IBTK: variants seen among roughly 807,000 people sequenced by gnomAD.
IBTK encodes the protein BTK-binding protein.
Under a neutral mutation model 154.9 loss-of-function variants are expected in IBTK, and 83 were observed. That is an observed-to-expected ratio of 0.54 (90% confidence interval 0.45 to 0.64). The LOEUF is 0.64. Among genes scored for constraint, IBTK ranks in the 30% least tolerant of loss-of-function variants. The pLI, the probability that IBTK is intolerant of heterozygous loss-of-function variation, is 0.00. For synonymous variants in IBTK, 515 were observed against 536.1 expected (o/e 0.96, Z 0.54); for missense variants, 1,332 against 1,584.6 (o/e 0.84, Z 2.71).
chr6:82,214,224 T>C lies in IBTK; in HGVS notation c.2204+3A>G. 1 of 1,603,944 alleles carries C rather than the reference T, an allele frequency of 6.2e-7. No homozygotes were observed. Among genetic ancestry groups the C allele is most frequent in the Non-Finnish European group, 8.5e-7 (1 of 1,176,466 alleles). On this transcript the variant is annotated splice_donor_region_variant and intron_variant, in intron 12 of 28. Transcript: ENST00000306270. ...AGGAACAGATATAAAAGAGAAATCA[T>C]ACCTACTACTCAAATTACTGAAGTC...
At chr6:82,203,883 C>G (rs1381699141) in intron 17 of IBTK, among the ~76,000 whole-genome samples, 2 of 152,110 alleles carry the variant, frequency 1.3e-5, no homozygotes, top group African/African-American at 4.8e-5. Flanking sequence ...AAGGAGTAGA[C>G]AGTCTACAGT....
chr6:82,194,380 T>C (rs1044210973), intron 23 of IBTK, 99 bp downstream of exon 23: 8 of 860,350 alleles, frequency 9.3e-6, no homozygotes, highest in Non-Finnish European at 1.3e-5. Flanking sequence ...GAAATTTATA[T>C]TAATATTTCT....
At chr6:82,189,072 G>C (rs971462333) in intron 25 of IBTK, 2 of 436,270 alleles carry the variant, frequency 4.6e-6, no homozygotes, top group Non-Finnish European at 9.1e-6. Context: ...GAAGCCTAGG[G>C]GGACCAATAT....
chr6:82,172,617 T>C (rs1408311659), intron 27 of IBTK, 105 bp from the exon 28 acceptor site: 2 of 940,336 alleles, frequency 2.1e-6, no homozygotes, highest in East Asian at 5.5e-5. Context: ...TCCAGTGACC[T>C]ACAATGAACG....
At chr6:82,214,041 C>T (rs1268256651) in intron 12 of IBTK, among the ~76,000 whole-genome samples, 186 bp downstream of exon 12, 3 of 151,932 alleles carry the variant, frequency 2.0e-5, no homozygotes, top group Admixed American at 6.6e-5. Context: ...CTGCAAGCTC[C>T]GCCTCCCGGG....
intron 25 of IBTK, among the ~76,000 whole-genome samples, chr6:82,187,202 C>A (rs1198310752): frequency 6.6e-6 from 1 of 152,110 alleles, no homozygotes; most frequent in Admixed American, 6.5e-5. Flanking sequence ...AGGCATGAGC[C>A]ATCATGCCCA....
chr6:82,192,119 C>T (rs186050073), intron 23 of IBTK, among the ~76,000 whole-genome samples: 1 of 151,916 alleles, frequency 6.6e-6, no homozygotes, highest in Non-Finnish European at 1.5e-5. Context: ...ATACAAATAA[C>T]AACTAATATG....
chr6:82,185,075 C>T (rs557964916), intron 25 of IBTK, among the ~76,000 whole-genome samples: 4 of 148,950 alleles, frequency 2.7e-5, no homozygotes, highest in Admixed American at 1.4e-4. Context: ...CCCAGATACT[C>T]GGGAGGCTGA....
chr6:82,222,475 A>C (rs1169266329), intron 8 of IBTK, among the ~76,000 whole-genome samples: 1 of 152,220 alleles, frequency 6.6e-6, no homozygotes, highest in African/African-American at 2.4e-5. Flanking sequence ...TAATGAATTT[A>C]TCACAGTAAA....
intron 1 of IBTK, among the ~76,000 whole-genome samples, chr6:82,244,192 C>T (rs1318182377): frequency 2.6e-5 from 4 of 152,052 alleles, no homozygotes; most frequent in African/African-American, 4.8e-5. Context: ...AATATGCATT[C>T]GACAAATAAT....
At chr6:82,237,185 C>T (rs537628298) in intron 2 of IBTK, among the ~76,000 whole-genome samples, 15 of 152,012 alleles carry the variant, frequency 9.9e-5, no homozygotes, top group Admixed American at 3.9e-4. Context: ...GGCAGGAAAC[C>T]CAAACCCAGG....
At chr6:82,231,474 C>T (rs1180896386) in intron 4 of IBTK, among the ~76,000 whole-genome samples, 1 of 152,134 alleles carries the variant, frequency 6.6e-6, no homozygotes, top group African/African-American at 2.4e-5. Context: ...ATCTGTATAA[C>T]ATTTTCTAAT....
chr6:82,222,029 A>G (rs1019847834), intron 8 of IBTK, among the ~76,000 whole-genome samples: 14 of 152,238 alleles, frequency 9.2e-5, no homozygotes, highest in African/African-American at 3.4e-4. Context: ...TTAGCTGGGC[A>G]TGATGGCAGA....
At chr6:82,192,019 T>C (rs1768788443) in intron 23 of IBTK, 140 bp from the exon 24 acceptor site, 1 of 560,874 alleles carries the variant, frequency 1.8e-6, no homozygotes. Context: ...GCCAGTTTCA[T>C]AAAGGATATT....
chr6:82,196,470 T>C, intron 21 of IBTK, 24 bp from the exon 22 acceptor site: 10 of 1,539,070 alleles, frequency 6.5e-6, no homozygotes, highest in Non-Finnish European at 8.9e-6. Flanking sequence ...TTAAAAAAAA[T>C]TAAACACATA....
At position 82,181,961 on chromosome 6, in the gene IBTK, C is replaced by T. The variant is rs896950879; in HGVS notation, c.3643G>A (p.Val1215Ile). 1 of 1,605,192 alleles carries T rather than the reference C, an allele frequency of 6.2e-7. No individual in the cohort carries two copies. Among genetic ancestry groups the T allele is most frequent in the Non-Finnish European group, 8.5e-7 (1 of 1,177,934 alleles). The change falls in exon 26 of 29, where the codon GTT becomes ATT. Residue 1215 changes from valine (V) to isoleucine (I), a missense_variant. Physicochemically the swap from Val to Ile is conservative, Grantham distance 29. This residue lies in a region of IBTK where 1,134 missense variants were observed against 1,274.7 expected (regional missense o/e 0.89). Transcript: ENST00000306270. ...TGATCGCCTGAACTATGGCTAGTAACAGACTTTTTTTCTTCTAGTAAGAAA... is the reference window on the plus strand; with the variant it reads ...TGATCGCCTGAACTATGGCTAGTAATAGACTTTTTTTCTTCTAGTAAGAAA... ...RDFLLEEKKS[V>I]TSHSSGDHVK...
intron 21 of IBTK, 62 bp downstream of exon 21, chr6:82,200,079 G>A: frequency 1.0e-6 from 1 of 1,001,384 alleles, no homozygotes. Flanking sequence ...CCCAGCAGAT[G>A]ACATATGTGA....
At chr6:82,178,948 C>G (rs1337416544) in intron 26 of IBTK, among the ~76,000 whole-genome samples, 4 of 152,228 alleles carry the variant, frequency 2.6e-5, no homozygotes. Context: ...AGGAGCCAGA[C>G]TATGTAGGCC....
chr6:82,180,464 C>T (rs1012906668), intron 26 of IBTK, among the ~76,000 whole-genome samples: 4 of 152,080 alleles, frequency 2.6e-5, no homozygotes, highest in Non-Finnish European at 4.4e-5. Flanking sequence ...TGTTGCCAGG[C>T]TGGTCTTGAA....
Sources: allele counts gnomAD v4.1 joint callset (sites outside exome capture counted in the v4.1 genomes callset), GRCh38; gene constraint gnomAD v4.1.1; regional missense constraint gnomAD v4.1.1; transcripts MANE v1.5; gene names NCBI Gene and HGNC (gene_info 2026-07-23, HGNC 2026-07-21).